PTPRD: variants seen among roughly 807,000 people sequenced by gnomAD.
PTPRD encodes the protein protein tyrosine phosphatase receptor type D, also known as receptor-type tyrosine-protein phosphatase delta.
A neutral mutation model predicts 214.5 loss-of-function variants in PTPRD; 34 were observed. The observed-to-expected ratio is 0.16, with a 90% CI of 0.12 to 0.21. The LOEUF is 0.21. Ranked by LOEUF, PTPRD falls within the 10% of genes least tolerant of loss-of-function variation. PTPRD has a pLI of 1.00. For synonymous variants in PTPRD, 1,128 were observed against 845.7 expected (o/e 1.33, Z -5.79); for missense variants, 2,545 against 2,398.7 (o/e 1.06, Z -1.27).
At chr9:9,220,251 CT>C (rs1258860775) in intron 9 of PTPRD, among the ~76,000 whole-genome samples, 1 of 150,502 alleles carries the variant, frequency 6.6e-6, no homozygotes, top group African/African-American at 2.4e-5. Context: ...AAAGCACTAT[CT>C]TTTAGTGCTC....
intron 2 of PTPRD, among the ~76,000 whole-genome samples, chr9:10,506,117 T>G (rs890245852): frequency 6.6e-6 from 1 of 152,140 alleles, no homozygotes; most frequent in African/African-American, 2.4e-5. Flanking sequence ...AATACATATT[T>G]CATAGAAGAA....
rs1798431934 is a variant in PTPRD at position 9,968,896 on chromosome 9, T to C, written c.-471-30286A>G. Among the ~76,000 whole-genome samples the C allele has an allele frequency of 3.3e-5, 5 of 150,334 alleles. No homozygotes were observed. In the South Asian group the frequency reaches 1.0e-3, roughly 31 times the overall value. On this transcript the variant is annotated intron_variant, in intron 4 of 45. Transcript: ENST00000381196. Reference sequence around the variant, plus strand: ...ATAACTTAATAACTGAATAAGTTATTAAGAATTCTTCATTGAGCAACTACT... The same window carrying C: ...ATAACTTAATAACTGAATAAGTTATCAAGAATTCTTCATTGAGCAACTACT...
intron 10 of PTPRD, among the ~76,000 whole-genome samples, chr9:9,115,897 G>A (rs2099811912): frequency 6.6e-6 from 1 of 152,132 alleles, no homozygotes; most frequent in African/African-American, 2.4e-5. Context: ...GCCATAAAAA[G>A]AATGAAATTA....
chr9:8,355,350 A>C (rs2076709509), intron 39 of PTPRD, among the ~76,000 whole-genome samples: 1 of 152,194 alleles, frequency 6.6e-6, no homozygotes, highest in South Asian at 2.1e-4. Flanking sequence ...TCTTTTCTTC[A>C]GACTAACATA....
chr9:10,383,265 G>C (rs934693264), intron 2 of PTPRD, among the ~76,000 whole-genome samples: 2 of 151,788 alleles, frequency 1.3e-5, no homozygotes, highest in Non-Finnish European at 2.9e-5. Context: ...TCAAACACTA[G>C]TTAAACATCA....
At chr9:10,097,111 A>C (rs2098498055) in intron 3 of PTPRD, among the ~76,000 whole-genome samples, 1 of 149,218 alleles carries the variant, frequency 6.7e-6, no homozygotes, top group Non-Finnish European at 1.5e-5. Context: ...CTGTTTTGGT[A>C]CCAGTACCAT....
chr9:8,857,219 A>T (rs2097936874), intron 11 of PTPRD, among the ~76,000 whole-genome samples: 1 of 152,148 alleles, frequency 6.6e-6, no homozygotes, highest in South Asian at 2.1e-4. Flanking sequence ...CCCTCACCGT[A>T]GTCAGCCCTC....
At chr9:10,180,091 C>T (rs2099273365) in intron 3 of PTPRD, among the ~76,000 whole-genome samples, 1 of 151,846 alleles carries the variant, frequency 6.6e-6, no homozygotes, top group Non-Finnish European at 1.5e-5. Context: ...ACAGGTTAAC[C>T]TTACATCATC....
chr9:10,466,533 G>T (rs2098994795), intron 2 of PTPRD, among the ~76,000 whole-genome samples: 1 of 142,516 alleles, frequency 7.0e-6, no homozygotes, highest in Non-Finnish European at 1.5e-5. Context: ...TGAGGCAGGA[G>T]AATCACTTGA....
At position 8,513,998 on chromosome 9, in the gene PTPRD, T is replaced by C. The variant is rs192675720; in HGVS notation, c.1543+3850A>G. On this transcript the variant is annotated intron_variant, in intron 21 of 45. Transcript: ENST00000381196. ...GTCAGTTAAACAGAGTGGGAATAACTATTCTAATATATCCATGTCCCATTC... is the reference window on the plus strand; with the variant it reads ...GTCAGTTAAACAGAGTGGGAATAACCATTCTAATATATCCATGTCCCATTC... 3.2e-3 allele frequency among the ~76,000 whole-genome samples: 492 copies of C among 152,236 alleles called. 12 individuals are homozygous for C. The highest frequency in any genetic ancestry group is 3.4e-3 in the Middle Eastern group (1 of 294).
chr9:8,919,267 C>A (rs1203522088), intron 11 of PTPRD, among the ~76,000 whole-genome samples: 1 of 151,906 alleles, frequency 6.6e-6, no homozygotes, highest in African/African-American at 2.4e-5. Flanking sequence ...GTGGTGCACA[C>A]CTGTAGTCCC....
chr9:8,376,719 C>A lies in PTPRD; in HGVS notation c.4394G>T (p.Cys1465Phe). Reference sequence around the variant, plus strand: ...GCCTCTGCTAGGCCAATACTGGTCACACTTCACCTACAAGAAACAAGTGAC... The same window carrying A: ...GCCTCTGCTAGGCCAATACTGGTCAAACTTCACCTACAAGAAACAAGTGAC... ...TKLEERSRVK[C>F]DQYWPSRGTE... The change falls in exon 38 of 46, where the codon TGT (cysteine) becomes TTT (phenylalanine). Residue 1465 changes from cysteine to phenylalanine, a missense_variant. Coordinates refer to ENST00000381196, the MANE Select transcript of PTPRD (RefSeq NM_002839.4). 1 of 1,612,854 alleles carries A rather than the reference C, an allele frequency of 6.2e-7. No individual in the cohort carries two copies. The highest frequency in any genetic ancestry group is 8.5e-7 in the Non-Finnish European group (1 of 1,179,200).
chr9:10,465,573 G>C (rs1446335150), intron 2 of PTPRD, among the ~76,000 whole-genome samples: 1 of 152,050 alleles, frequency 6.6e-6, no homozygotes, highest in East Asian at 1.9e-4. Flanking sequence ...CTATCACCTG[G>C]TGTTATTGTA....
rs1347061001 is a variant in PTPRD, at chr9:8,794,382, T to C, written c.-103-60436A>G. 2.0e-5 allele frequency among the ~76,000 whole-genome samples: 3 copies of C among 152,276 alleles called. No individual in the cohort carries two copies. The South Asian group carries it at 6.2e-4, about 32-fold the overall frequency. On this transcript the variant is annotated intron_variant, in intron 11 of 45. Transcript: ENST00000381196. The stretch of plus-strand genomic sequence containing the variant: ...TGCTGCCCGTTAGGTTACACTCTGG[T>C]AAAATGTGTAGAAAATCATCTTTTA...
At chr9:10,284,620 T>C (rs955693146) in intron 3 of PTPRD, among the ~76,000 whole-genome samples, 6 of 152,322 alleles carry the variant, frequency 3.9e-5, no homozygotes, top group African/African-American at 1.4e-4. Flanking sequence ...CATGGCTTAG[T>C]TGGTTTCTTT....
chr9:9,908,086 A>G (rs1013023019), intron 5 of PTPRD, among the ~76,000 whole-genome samples: 1 of 152,004 alleles, frequency 6.6e-6, no homozygotes, highest in East Asian at 1.9e-4. Context: ...AGACAAAAAA[A>G]AAAATCTTAG....
intron 8 of PTPRD, among the ~76,000 whole-genome samples, chr9:9,524,642 T>C (rs1158393080): frequency 6.6e-6 from 1 of 152,188 alleles, no homozygotes; most frequent in Non-Finnish European, 1.5e-5. Context: ...TGGTCTCAGA[T>C]CTATGAGAAC....
At chr9:10,008,860 C>G (rs557539576) in intron 4 of PTPRD, among the ~76,000 whole-genome samples, 6 of 151,970 alleles carry the variant, frequency 3.9e-5, no homozygotes, top group Non-Finnish European at 8.8e-5. Flanking sequence ...ACACTTGCCT[C>G]TGGTGAAAAA....
Position 9,785,410 on chromosome 9 carries a change from C to A in PTPRD, c.-367-18559G>T, listed in dbSNP as rs188527703. On this transcript the variant is annotated intron_variant, in intron 5 of 45. Coordinates refer to ENST00000381196, the MANE Select transcript of PTPRD (RefSeq NM_002839.4). ...ACTTTCTCATAGACAAAGTATATAT[C>A]ATTATCATGTACCTTGATATGATGT... Among the ~76,000 whole-genome samples the A allele has an allele frequency of 2.0e-5, 3 of 152,112 alleles. 1 individual carries two copies. Among genetic ancestry groups the A allele is most frequent in the Non-Finnish European group, 4.4e-5 (3 of 67,918 alleles).
Sources: allele counts gnomAD v4.1 joint callset (sites outside exome capture counted in the v4.1 genomes callset), GRCh38; gene constraint gnomAD v4.1.1; transcripts MANE v1.5; gene names NCBI Gene and HGNC (gene_info 2026-07-23, HGNC 2026-07-21).